Variants in PIK3CD observed in about 807,000 individuals in gnomAD.
PIK3CD encodes phosphatidylinositol 4,5-bisphosphate 3-kinase catalytic subunit delta isoform.
PIK3CD carries 20 observed loss-of-function variants against 122.9 expected under a neutral mutation model. The ratio of observed to expected loss-of-function variants is 0.16; its 90% CI spans 0.11 to 0.24. The LOEUF is 0.24. Among genes scored for constraint, PIK3CD ranks in the 10% least tolerant of loss-of-function variants. The probability of loss-of-function intolerance (pLI) is 1.00; values close to 1 mark genes in which losing one functional copy is unlikely to be tolerated. For synonymous variants in PIK3CD, 596 were observed against 593.4 expected (o/e 1.00, Z -0.06); for missense variants, 787 against 1,406.3 (o/e 0.56, Z 7.04).
At chr1:9,669,578 G>A (rs769343531) in intron 1 of PIK3CD, among the ~76,000 whole-genome samples, 8 of 151,982 alleles carry the variant, frequency 5.3e-5, no homozygotes, top group Non-Finnish European at 7.4e-5. Flanking sequence ...TTCCTGCCTC[G>A]GCCTCGCAAA....
chr1:9,720,862 C>T lies in PIK3CD; in HGVS notation c.1642C>T (p.Arg548Trp), dbSNP rs780269932. ...VQEHFPEALA[R>W]LLLVTKWNKH... ...GGAGCACTTCCCGGAGGCGCTAGCC[C>T]GGCTGCTGCTGGTCACCAAGTGGAA... Residue 548 changes from arginine to tryptophan, a missense_variant, in exon 13 of 24, where the codon CGG becomes TGG. Arg to Trp is a moderately radical substitution (Grantham distance 101). Around this residue, in one of 6 missense-constraint regions of PIK3CD, gnomAD observed 592 missense variants for 920.6 expected, o/e 0.64. Coordinates refer to ENST00000377346, the MANE Select transcript of PIK3CD (RefSeq NM_005026.5). The surrounding 1 kb of genome is among the most constrained non-coding windows in gnomAD (Gnocchi z 9.0). The T allele has an allele frequency of 3.7e-5, 60 of 1,608,744 alleles. 1 individual carries two copies. The Middle Eastern group carries it at 4.9e-4, about 13-fold the overall frequency.
chr1:9,697,595 A>G (rs1646469313), intron 2 of PIK3CD, among the ~76,000 whole-genome samples: 1 of 151,560 alleles, frequency 6.6e-6, no homozygotes, highest in Non-Finnish European at 1.5e-5. Context: ...TTAGCTGGGT[A>G]TGTGGTGTGC....
At chr1:9,654,474 A>C in intron 1 of PIK3CD, 1 of 683,966 alleles carries the variant, frequency 1.5e-6, no homozygotes, top group Non-Finnish European at 1.9e-6. Context: ...CAGTCCACCA[A>C]TGGTTGTGCG....
rs1425861378 is a variant in PIK3CD at position 9,712,481 on chromosome 1, A to G, written c.141+1885A>G. On this transcript the variant is annotated intron_variant, in intron 3 of 23. Coordinates refer to ENST00000377346, the MANE Select transcript of PIK3CD (RefSeq NM_005026.5). ...TTTTTAGTAGAGACGGGGTTTCACC[A>G]TGTTGGCCAGGCTGGTCTCGAACTC... Among the ~76,000 whole-genome samples, 3 of 151,998 alleles carry G rather than the reference A, an allele frequency of 2.0e-5. No individual in the cohort carries two copies. In the East Asian group the frequency reaches 5.8e-4, roughly 29 times the overall value.
chr1:9,648,047 T>C (rs1644623679), upstream of PIK3CD, among the ~76,000 whole-genome samples: 1 of 152,236 alleles, frequency 6.6e-6, no homozygotes, highest in South Asian at 2.1e-4. Flanking sequence ...TGACTCCATA[T>C]TGGTTTGGTC....
In PIK3CD at chr1:9,689,602, G is replaced by T. The variant is rs868683555; in HGVS notation, c.-137-1865G>T. On this transcript the variant is annotated intron_variant, in intron 1 of 23. Coordinates refer to ENST00000377346, the MANE Select transcript of PIK3CD (RefSeq NM_005026.5). This position sits in a 1 kb window ranked among gnomAD's most constrained non-coding sequence, Gnocchi z 6.1. ...GCGGCGGGCCTGCCCTCCGGCCCCC[G>T]CCGGCCCCGCGCCGCTGCCCGGAGG... Among the ~76,000 whole-genome samples the T allele has an allele frequency of 6.7e-6, 1 of 150,142 alleles. No homozygotes were observed. Among genetic ancestry groups the T allele is most frequent in the Non-Finnish European group, 1.5e-5 (1 of 67,298 alleles).
Position 9,719,603 on chromosome 1 carries a change from A to G in PIK3CD, c.1243-318A>G, listed in dbSNP as rs1648149911. On this transcript the variant is annotated intron_variant, in intron 9 of 23. Coordinates refer to ENST00000377346, the MANE Select transcript of PIK3CD (RefSeq NM_005026.5). This position sits in a 1 kb window ranked among gnomAD's most constrained non-coding sequence, Gnocchi z 5.5. The stretch of plus-strand genomic sequence containing the variant: ...TTGAACCAAGGAGGCAGAGGTTGCA[A>G]TGAGCCGAGATCGTGCCACTGCACT... Among the ~76,000 whole-genome samples, 1 of 151,470 alleles carries G rather than the reference A, an allele frequency of 6.6e-6. No homozygotes were observed. Among genetic ancestry groups the G allele is most frequent in the Middle Eastern group, 3.2e-3 (1 of 314 alleles).
At chr1:9,679,939 T>C (rs1259738587) in intron 1 of PIK3CD, among the ~76,000 whole-genome samples, 2 of 151,864 alleles carry the variant, frequency 1.3e-5, no homozygotes, top group African/African-American at 2.4e-5. Flanking sequence ...ATCCTTCTGT[T>C]TCAGCCTCCC....
At chr1:9,671,764 C>T (rs966531460) in intron 1 of PIK3CD, among the ~76,000 whole-genome samples, 14 of 152,156 alleles carry the variant, frequency 9.2e-5, no homozygotes, top group Non-Finnish European at 1.9e-4. Flanking sequence ...GTTTTCTAGC[C>T]TTTCAAGGTA....
chr1:9,632,024 T>G, the PIK3CD span, among the ~76,000 whole-genome samples: 3 of 151,956 alleles, frequency 2.0e-5, no homozygotes, highest in African/African-American at 4.8e-5. Flanking sequence ...TTATTTTTGT[T>G]TTTTTGAGAT....
Position 9,722,320 on chromosome 1 carries a change from G to A in PIK3CD, c.2311G>A (p.Gly771Ser), listed in dbSNP as rs200226248. 54 of 1,613,220 alleles carry A rather than the reference G, an allele frequency of 3.3e-5. No homozygotes were observed. In the South Asian group the frequency reaches 4.7e-4, roughly 14 times the overall value. The change falls in exon 18 of 24, where the codon GGC becomes AGC. Residue 771 changes from glycine to serine, a missense_variant. Gly to Ser is a moderately conservative substitution (Grantham distance 56). Coordinates refer to ENST00000377346, the MANE Select transcript of PIK3CD (RefSeq NM_005026.5). The surrounding 1 kb of genome is among the most constrained non-coding windows in gnomAD (Gnocchi z 7.6). ...IMYSNEEAGS[G>S]GSVGIIFKNG... ...GTACAGCAACGAGGAGGCAGGCAGC[G>A]GCGGCAGCGTGGGCATCATCTTTAA...
At chr1:9,688,530 A>G (rs1014983021) in intron 1 of PIK3CD, among the ~76,000 whole-genome samples, 7 of 152,186 alleles carry the variant, frequency 4.6e-5, no homozygotes, top group East Asian at 1.9e-4. Context: ...AACAACATCT[A>G]TCTTACAGTG....
Position 9,717,220 on chromosome 1 carries a change from G to T in PIK3CD, c.930+112G>T. 2 of 1,372,994 alleles carry T rather than the reference G, an allele frequency of 1.5e-6. No individual in the cohort carries two copies. The highest frequency in any genetic ancestry group is 2.1e-6 in the Non-Finnish European group (2 of 975,148). The allele number at this position is 1,372,994 out of a possible 1,614,324, so 85.1% of individuals were successfully genotyped here. On this transcript the variant is annotated intron_variant, in intron 7 of 23. Transcript: ENST00000377346. The surrounding 1 kb of genome is among the most constrained non-coding windows in gnomAD (Gnocchi z 5.4). Reference sequence around the variant, plus strand: ...GGGGCCCTTGGTATGGAGAGCTGGGGCTTTGAGCTGGGGAAGCCAACACAG... The same window carrying T: ...GGGGCCCTTGGTATGGAGAGCTGGGTCTTTGAGCTGGGGAAGCCAACACAG...
chr1:9,655,908 G>T (rs559513133), intron 1 of PIK3CD, among the ~76,000 whole-genome samples: 1 of 152,156 alleles, frequency 6.6e-6, no homozygotes, highest in South Asian at 2.1e-4. Flanking sequence ...TGTTGGCCAG[G>T]CTGGTCTCGA....
At position 9,716,980 on chromosome 1, in the gene PIK3CD, A is replaced by G. The variant is rs1457927140; in HGVS notation, c.802A>G (p.Ser268Gly). 1.9e-6 allele frequency: 3 copies of G among 1,613,694 alleles called. No individual in the cohort carries two copies. The highest frequency in any genetic ancestry group is 2.5e-6 in the Non-Finnish European group (3 of 1,180,010). The part of the protein sequence containing the change: ...QFQYICSCLH[S>G]GLTPHLTMVH... ...TCAGTACATCTGCAGCTGCCTGCAC[A>G]GTGGGTTGACCCCTCACCTGACCAT... is the stretch of plus-strand genomic sequence containing the variant. Residue 268 changes from serine to glycine, a missense_variant, in exon 7 of 24, where the codon AGT becomes GGT. Around this residue, in one of 6 missense-constraint regions of PIK3CD, gnomAD observed 592 missense variants for 920.6 expected, o/e 0.64. Coordinates refer to ENST00000377346, the MANE Select transcript of PIK3CD (RefSeq NM_005026.5).
intron 2 of PIK3CD, among the ~76,000 whole-genome samples, chr1:9,709,662 C>A (rs1570332008): frequency 6.6e-6 from 1 of 151,880 alleles, no homozygotes; most frequent in Non-Finnish European, 1.5e-5. Flanking sequence ...TATGATGGCA[C>A]CACTGTACTC....
chr1:9,722,669 TG>T lies in PIK3CD; in HGVS notation c.2426+65del. On this transcript the variant is annotated intron_variant, in intron 19 of 23. Coordinates refer to ENST00000377346, the MANE Select transcript of PIK3CD (RefSeq NM_005026.5). This position sits in a 1 kb window ranked among gnomAD's most constrained non-coding sequence, Gnocchi z 7.6. ...TGCCCAGCCTGGGAGTCTGTGCCCCTGGAGGGGTCCTTGTTGAAGGTGGCAT... is the reference window on the plus strand; with the variant it reads ...TGCCCAGCCTGGGAGTCTGTGCCCCTGAGGGGTCCTTGTTGAAGGTGGCAT... 1 of 1,359,300 alleles carries T rather than the reference TG, an allele frequency of 7.4e-7. No homozygotes were observed. Among genetic ancestry groups the T allele is most frequent in the Non-Finnish European group, 1.1e-6 (1 of 949,860 alleles). The allele number at this position is 1,359,300 out of a possible 1,614,324, so 84.2% of individuals were successfully genotyped here.
intron 1 of PIK3CD, among the ~76,000 whole-genome samples, chr1:9,669,677 C>T (rs114362960): frequency 0.016 from 2,496 of 152,046 alleles, 74 homozygotes; most frequent in African/African-American, 0.058. Flanking sequence ...CTTCAGGGAG[C>T]CTTAAGGGAG....
At chr1:9,630,315 G>A in the PIK3CD span, among the ~76,000 whole-genome samples, 1 of 152,238 alleles carries the variant, frequency 6.6e-6, no homozygotes, top group Admixed American at 6.5e-5. Flanking sequence ...CTTGAAGGGT[G>A]TGAAGGGGCT....
Sources: gnomAD v4.1 joint callset for allele counts (sites outside exome capture counted in the v4.1 genomes callset) on GRCh38, gnomAD v4.1.1 for gene constraint, gnomAD v4.1.1 regional missense constraint, Gnocchi (gnomAD v3.1) non-coding constraint, MANE v1.5 for transcripts, NCBI Gene and HGNC (gene_info 2026-07-23, HGNC 2026-07-21) for gene names.